Variants in PTPRD observed in about 807,000 individuals in gnomAD.
PTPRD encodes protein tyrosine phosphatase receptor type D, also known as receptor-type tyrosine-protein phosphatase delta.
A neutral mutation model predicts 214.5 loss-of-function variants in PTPRD; 34 were observed. The observed-to-expected ratio is 0.16, with a 90% confidence interval of 0.12 to 0.21. The LOEUF (loss-of-function observed/expected upper bound fraction) is 0.21, where lower values mean the gene tolerates loss of function less well. PTPRD is among the 10% of genes least tolerant of loss of function. The pLI, the probability that PTPRD is intolerant of heterozygous loss-of-function variation, is 1.00. For missense variants in PTPRD, 2,545 were observed against 2,398.7 expected (o/e 1.06, Z -1.27); for synonymous variants, 1,128 against 845.7 (o/e 1.33, Z -5.79).
chr9:8,554,421 T>C (rs145290413), intron 14 of PTPRD, among the ~76,000 whole-genome samples: 57 of 152,284 alleles, frequency 3.7e-4, no homozygotes, highest in Middle Eastern at 3.4e-3. Context: ...AAAAAGTCCT[T>C]GTTTTCCTCT....
intron 2 of PTPRD, among the ~76,000 whole-genome samples, chr9:10,359,439 G>A (rs755765274): frequency 3.3e-5 from 5 of 151,692 alleles, no homozygotes; most frequent in Non-Finnish European, 5.9e-5. Context: ...CCAACTCTTG[G>A]TAATAAGTAA....
intron 2 of PTPRD, among the ~76,000 whole-genome samples, chr9:10,357,071 T>G (rs551930324): frequency 6.6e-6 from 1 of 152,304 alleles, no homozygotes; most frequent in African/African-American, 2.4e-5. Flanking sequence ...TACTACTAAA[T>G]TATATTAGTG....
chr9:9,421,268 T>C (rs1422983383), intron 8 of PTPRD, among the ~76,000 whole-genome samples: 2 of 149,780 alleles, frequency 1.3e-5, no homozygotes, highest in African/African-American at 2.5e-5. Context: ...TAGCAAGTAA[T>C]AGTACTGTCT....
intron 2 of PTPRD, among the ~76,000 whole-genome samples, chr9:10,465,738 T>C (rs925560047): frequency 2.6e-5 from 4 of 152,202 alleles, no homozygotes. Flanking sequence ...CTATGCCATA[T>C]AGCCTAGGTG....
At chr9:9,396,209 C>T (rs1381181202) in intron 9 of PTPRD, among the ~76,000 whole-genome samples, 1 of 151,938 alleles carries the variant, frequency 6.6e-6, no homozygotes, top group Non-Finnish European at 1.5e-5. Flanking sequence ...CCAAATCAAA[C>T]GTTTGAAAAA....
chr9:10,605,521 G>A (rs1203512494), intron 2 of PTPRD, among the ~76,000 whole-genome samples: 1 of 151,786 alleles, frequency 6.6e-6, no homozygotes, highest in African/African-American at 2.4e-5. Context: ...AGGGTGCCAA[G>A]AAATTCCAGT....
chr9:8,389,971 G>C (rs2088855056), intron 36 of PTPRD, among the ~76,000 whole-genome samples: 1 of 152,130 alleles, frequency 6.6e-6, no homozygotes, highest in Non-Finnish European at 1.5e-5. Flanking sequence ...AGAAACTTGA[G>C]CAAGTTGCTC....
chr9:9,342,954 C>A (rs1337967522), intron 9 of PTPRD, among the ~76,000 whole-genome samples: 2 of 152,056 alleles, frequency 1.3e-5, no homozygotes, highest in Non-Finnish European at 2.9e-5. Context: ...CATTGTTCAA[C>A]TCCCACTTAT....
chr9:10,531,492 TGAA>T (rs2056302596), intron 2 of PTPRD, among the ~76,000 whole-genome samples: 1 of 152,118 alleles, frequency 6.6e-6, no homozygotes, highest in Admixed American at 6.5e-5. Context: ...TATTAAATAA[TGAA>T]GTAATATATA....
intron 2 of PTPRD, among the ~76,000 whole-genome samples, chr9:10,505,774 T>C (rs995902643): frequency 6.6e-6 from 1 of 152,038 alleles, no homozygotes; most frequent in African/African-American, 2.4e-5. Flanking sequence ...GTCATTGCTA[T>C]TGAGGAAAAA....
intron 43 of PTPRD, among the ~76,000 whole-genome samples, chr9:8,338,372 A>G (rs1849029349): frequency 6.6e-6 from 1 of 152,136 alleles, no homozygotes; most frequent in South Asian, 2.1e-4. Context: ...TCATGGGAGC[A>G]CAGCTCTCAT....
intron 27 of PTPRD, among the ~76,000 whole-genome samples, chr9:8,492,190 G>T (rs1027367343): frequency 1.3e-5 from 2 of 152,044 alleles, no homozygotes; most frequent in African/African-American, 4.8e-5. Context: ...CCACAGCAGG[G>T]GGTGGGGAAG....
chr9:10,477,173 A>G (rs1589056127), intron 2 of PTPRD, among the ~76,000 whole-genome samples: 1 of 152,320 alleles, frequency 6.6e-6, no homozygotes, highest in East Asian at 1.9e-4. Flanking sequence ...AGCAAAAGAA[A>G]CTATCATCAG....
At chr9:9,104,857 T>C (rs1033790237) in intron 10 of PTPRD, among the ~76,000 whole-genome samples, 29 of 152,300 alleles carry the variant, frequency 1.9e-4, no homozygotes, top group African/African-American at 6.0e-4. Flanking sequence ...ACTGCAAGAA[T>C]TGATAATAGC....
At chr9:9,262,500 T>A (rs924395683) in intron 9 of PTPRD, among the ~76,000 whole-genome samples, 2 of 151,528 alleles carry the variant, frequency 1.3e-5, no homozygotes, top group African/African-American at 2.4e-5. Context: ...CACATGTAGC[T>A]AAAGGCTACT....
chr9:8,673,736 G>GA (rs1300060867), intron 12 of PTPRD, among the ~76,000 whole-genome samples: 2 of 152,092 alleles, frequency 1.3e-5, no homozygotes, highest in East Asian at 1.9e-4. Context: ...AGCTGCTAAG[G>GA]AAAATATCTC....
intron 7 of PTPRD, among the ~76,000 whole-genome samples, chr9:9,601,027 A>G (rs2093705473): frequency 6.6e-6 from 1 of 151,924 alleles, no homozygotes; most frequent in Admixed American, 6.6e-5. Context: ...CAGGAAGAAC[A>G]CAATGCTGAC....
rs189651278 is a variant in PTPRD at position 8,378,946 on chromosome 9, A to G, written c.4387-2220T>C. 2.6e-5 allele frequency among the ~76,000 whole-genome samples: 4 copies of G among 152,232 alleles called. No homozygotes were observed. In the East Asian group the frequency reaches 7.7e-4, roughly 29 times the overall value. On this transcript the variant is annotated intron_variant, in intron 37 of 45. Transcript: ENST00000381196. The stretch of plus-strand genomic sequence containing the variant: ...TATACTAATCCTTACATTTCTAGTA[A>G]TAAGTTTCAAACTGCAACTATTATT...
intron 3 of PTPRD, among the ~76,000 whole-genome samples, chr9:10,202,523 T>G (rs1338862834): frequency 1.3e-5 from 2 of 151,012 alleles, no homozygotes; most frequent in East Asian, 3.9e-4. Context: ...CTGTCATGAT[T>G]GTTTGCATTT....
Sources: gnomAD v4.1 joint callset for allele counts (sites outside exome capture counted in the v4.1 genomes callset) on GRCh38, gnomAD v4.1.1 for gene constraint, MANE v1.5 for transcripts, NCBI Gene and HGNC (gene_info 2026-07-23, HGNC 2026-07-21) for gene names.